Variants in EGFL6 observed in about 807,000 individuals in gnomAD.
EGFL6 encodes the protein EGF like domain multiple 6.
In EGFL6, 42 loss-of-function variants were observed where a neutral mutation model predicts 43.1. The ratio of observed to expected loss-of-function variants is 0.98; its 90% CI spans 0.76 to 1.26. The LOEUF (loss-of-function observed/expected upper bound fraction) is 1.26. EGFL6 is among the 50% of genes most tolerant of loss of function. The pLI is 0.00. For synonymous variants in EGFL6, 164 were observed against 163.2 expected, an observed-to-expected ratio of 1.01 and a Z score of -0.04; for missense variants, 429 against 427.8, an observed-to-expected ratio of 1.00 and a Z score of -0.02.
At chrX:13,623,262 T>C (rs1026819393) in intron 9 of EGFL6, among the ~76,000 whole-genome samples, 1 of 109,318 alleles carries the variant, frequency 9.1e-6, no homozygotes, top group Middle Eastern at 4.6e-3. Context: ...GATATTTTAT[T>C]TTCTGGCCTG....
intron 5 of EGFL6, among the ~76,000 whole-genome samples, chrX:13,606,163 G>A (rs3747418): frequency 0.1 from 11,631 of 111,352 alleles, 598 homozygotes; most frequent in African/African-American, 0.2. Flanking sequence ...GAAAGATAAT[G>A]CATCTTAAAA....
chrX:13,587,993 A>G (rs1439304946), intron 1 of EGFL6, among the ~76,000 whole-genome samples: 1 of 112,281 alleles, frequency 8.9e-6, no homozygotes, highest in Non-Finnish European at 1.9e-5. Flanking sequence ...AACTGTAGAT[A>G]AAGACCATTG....
intron 1 of EGFL6, among the ~76,000 whole-genome samples, chrX:13,577,681 G>T (rs1463081681): frequency 1.8e-5 from 2 of 111,214 alleles, no homozygotes; most frequent in African/African-American, 6.6e-5. Flanking sequence ...TGAATGGATG[G>T]ATAGATACAT....
chrX:13,626,614 T>G (rs2370239), intron 10 of EGFL6, among the ~76,000 whole-genome samples: 1 of 112,129 alleles, frequency 8.9e-6, no homozygotes, highest in South Asian at 3.7e-4. Flanking sequence ...TCATCTTACA[T>G]GTCATTGACT....
At chrX:13,619,642 T>A (rs1438483573) in intron 9 of EGFL6, among the ~76,000 whole-genome samples, 1 of 112,154 alleles carries the variant, frequency 8.9e-6, no homozygotes, top group African/African-American at 3.2e-5. Flanking sequence ...TAATGCTGTG[T>A]AACAAACAAC....
At chrX:13,607,808 TCG>T (rs1476405729) in intron 6 of EGFL6, among the ~76,000 whole-genome samples, 2 of 111,994 alleles carry the variant, frequency 1.8e-5, no homozygotes, top group African/African-American at 6.5e-5. Context: ...AACAAACCTC[TCG>T]CTTGGGTGAA....
chrX:13,621,806 A>G (rs1438216316), intron 9 of EGFL6, among the ~76,000 whole-genome samples: 2 of 112,693 alleles, frequency 1.8e-5, no homozygotes, highest in Non-Finnish European at 3.8e-5. Flanking sequence ...CATCTGCTTC[A>G]AGGCAGGTGT....
rs2045740690 is a variant in EGFL6, at chrX:13,619,903, G to A, written c.1183+660G>A. ...TGGTCTCTCATCCTCCAGCAGGCTA[G>A]TCCAAGCTGTTTCTCATGAGGCAAC... is the stretch of plus-strand genomic sequence containing the variant. On this transcript the variant is annotated intron_variant, in intron 9 of 11. Coordinates refer to ENST00000361306, the MANE Select transcript of EGFL6 (RefSeq NM_015507.4). Among the ~76,000 whole-genome samples the A allele has an allele frequency of 3.6e-5, 4 of 111,503 alleles. No homozygotes were observed. The Admixed American group carries it at 3.8e-4, about 11-fold the overall frequency.
At chrX:13,601,508 C>G (rs2045633867) in intron 4 of EGFL6, among the ~76,000 whole-genome samples, 1 of 111,432 alleles carries the variant, frequency 9.0e-6, no homozygotes, top group Admixed American at 9.6e-5. Context: ...AAACCCAGAG[C>G]CTGTGCCTTC....
intron 11 of EGFL6, 143 bp from the exon 12 acceptor site, chrX:13,632,841 TA>T: frequency 2.1e-6 from 1 of 471,561 alleles, no homozygotes; most frequent in South Asian, 3.8e-5. Context: ...ACCTGGCATC[TA>T]AAAAATAATC....
chrX:13,590,583 C>G (rs1377732151), intron 2 of EGFL6, among the ~76,000 whole-genome samples: 8 of 112,158 alleles, frequency 7.1e-5, no homozygotes, highest in Non-Finnish European at 1.3e-4. Flanking sequence ...AATAACAATG[C>G]TACCTTCTTT....
chrX:13,600,479 G>A (rs1236538455), intron 4 of EGFL6, among the ~76,000 whole-genome samples: 3 of 107,014 alleles, frequency 2.8e-5, no homozygotes, highest in Non-Finnish European at 5.8e-5. Flanking sequence ...TAGAGATGGG[G>A]TTTCTTCGTG....
intron 2 of EGFL6, among the ~76,000 whole-genome samples, chrX:13,593,841 G>A (rs1233738782): frequency 1.8e-5 from 2 of 111,646 alleles, no homozygotes; most frequent in Admixed American, 9.5e-5. Flanking sequence ...AGGATCTGGG[G>A]TTGTAGGGAA....
chrX:13,617,088 C>T (rs1201103455), intron 7 of EGFL6, among the ~76,000 whole-genome samples: 1 of 111,720 alleles, frequency 9.0e-6, no homozygotes, highest in Non-Finnish European at 1.9e-5. Flanking sequence ...AAGTAATTTA[C>T]TTTTGTGGTG....
intron 1 of EGFL6, among the ~76,000 whole-genome samples, chrX:13,580,773 T>C (rs1298423151): frequency 2.7e-5 from 3 of 112,076 alleles, no homozygotes; most frequent in Admixed American, 1.9e-4. Flanking sequence ...CTTAAAACTT[T>C]TCAGTGACTT....
intron 1 of EGFL6, among the ~76,000 whole-genome samples, chrX:13,579,721 G>A (rs754434993): frequency 5.4e-5 from 6 of 111,015 alleles, no homozygotes; most frequent in African/African-American, 1.6e-4. Flanking sequence ...TCGCCATACT[G>A]CTTGGGCTTG....
chrX:13,617,480 G>A (rs1362939043), intron 7 of EGFL6, among the ~76,000 whole-genome samples: 1 of 112,220 alleles, frequency 8.9e-6, no homozygotes, highest in African/African-American at 3.2e-5. Context: ...AGTAATAAGT[G>A]TTTCACTAAA....
rs771652326 is a variant in EGFL6, at chrX:13,578,612, A to C, written c.74+8677A>C. 1.7e-4 allele frequency among the ~76,000 whole-genome samples: 19 copies of C among 111,086 alleles called. No homozygotes were observed. The South Asian group carries it at 2.3e-3, about 14-fold the overall frequency. The stretch of plus-strand genomic sequence containing the variant: ...TACTATGCAGCCATAAAAAATGATG[A>C]GTTCATATCCTTTGTAGGGACGTGG... On this transcript the variant is annotated intron_variant, in intron 1 of 11. Coordinates refer to ENST00000361306, the MANE Select transcript of EGFL6 (RefSeq NM_015507.4).
rs774112791 is a variant in EGFL6 at position 13,623,377 on chromosome X, G to GTTTT, written c.1184-430_1184-427dup. 9.2e-3 allele frequency among the ~76,000 whole-genome samples: 373 copies of GTTTT among 40,340 alleles called. 66 individuals are homozygous for GTTTT. The highest frequency in any genetic ancestry group is 0.02 in the African/African-American group (180 of 9,188). The allele number at this position is 40,340 out of a possible 115,157, so 35.0% of individuals were successfully genotyped here. A position where few individuals can be genotyped will look rare whatever the true frequency, so the allele number is the denominator to read the frequency against. On this transcript the variant is annotated intron_variant, in intron 9 of 11. Coordinates refer to ENST00000361306, the MANE Select transcript of EGFL6 (RefSeq NM_015507.4). ...AAAAAGGGTTTTTGTTTTATTTTGG[G>GTTTT]TTTTTTTTTTTTTTTTTTTTGAGAC...
Sources: allele counts gnomAD v4.1 joint callset (sites outside exome capture counted in the v4.1 genomes callset), GRCh38; gene constraint gnomAD v4.1.1; transcripts MANE v1.5; gene names NCBI Gene and HGNC (gene_info 2026-07-23, HGNC 2026-07-21).